The following TRIP13 variants were observed in gnomAD, a reference collection of about 807,000 sequenced individuals.
TRIP13 encodes pachytene checkpoint protein 2 homolog.
TRIP13 carries 25 observed loss-of-function variants against 54.4 expected under a neutral mutation model. The ratio of observed to expected loss-of-function variants is 0.46; its 90% CI spans 0.33 to 0.64. The LOEUF (loss-of-function observed/expected upper bound fraction) is 0.64. TRIP13 is among the 30% of genes least tolerant of loss of function. The probability of loss-of-function intolerance (pLI) is 0.02; values close to 1 mark genes in which losing one functional copy is unlikely to be tolerated. For synonymous variants in TRIP13, 207 were observed against 207.8 expected (o/e 1.00, Z 0.03); for missense variants, 373 against 534.2 (o/e 0.70, Z 2.97).
At chr5:914,655 G>A in intron 11 of TRIP13, 78 bp downstream of exon 11, 1 of 1,186,618 alleles carries the variant, frequency 8.4e-7, no homozygotes, top group Non-Finnish European at 1.2e-6. Flanking sequence ...TTCCTTTGAG[G>A]AGACCAGGGA....
At chr5:905,951 A>C (rs1037762904) in intron 6 of TRIP13, among the ~76,000 whole-genome samples, 1 of 152,198 alleles carries the variant, frequency 6.6e-6, no homozygotes, top group African/African-American at 2.4e-5. Flanking sequence ...ATGGCGGCTC[A>C]ATGCCTGTAA....
rs2150688718 is a variant in TRIP13 at position 908,873 on chromosome 5, G to A, written c.866+412G>A. The A allele has an allele frequency of 5.1e-6, 1 of 196,358 alleles. No individual in the cohort carries two copies. Among genetic ancestry groups the A allele is most frequent in the East Asian group, 1.3e-4 (1 of 7,790 alleles). 12.2% of individuals were successfully genotyped at this position (196,358 alleles called of 1,614,324 possible). ...CTCTGGAGGCTGAGGCAGGAGAATGGTGTGAACCCGGGAGGCAGAACTTGC... is the reference window on the plus strand; with the variant it reads ...CTCTGGAGGCTGAGGCAGGAGAATGATGTGAACCCGGGAGGCAGAACTTGC... On this transcript the variant is annotated intron_variant, in intron 9 of 12. Transcript: ENST00000166345. This position sits in a 1 kb window ranked among gnomAD's most constrained non-coding sequence, Gnocchi z 5.2.
At chr5:900,391 C>A in intron 3 of TRIP13, 103 bp from the exon 4 acceptor site, 1 of 1,105,892 alleles carries the variant, frequency 9.0e-7, no homozygotes, top group Non-Finnish European at 1.3e-6. Context: ...TTGCCTGGAG[C>A]AGCACAATGG....
chr5:906,022 C>A (rs1004535985), intron 6 of TRIP13, among the ~76,000 whole-genome samples: 3 of 152,080 alleles, frequency 2.0e-5, no homozygotes, highest in Admixed American at 1.3e-4. Context: ...TTGAGACCAG[C>A]CTGGCCAACA....
Position 892,900 on chromosome 5 carries a change from C to T in TRIP13, c.-99C>T, listed in dbSNP as rs890974400. ...TCGCGCGGCAGATTCGAAGCTAGGG[C>T]GGGGCCCGCGGGCTGAGGCAGCGGC... On this transcript the variant is annotated 5_prime_UTR_variant, in exon 1 of 13. Coordinates refer to ENST00000166345, the MANE Select transcript of TRIP13 (RefSeq NM_004237.4). The T allele has an allele frequency of 2.5e-5, 31 of 1,225,950 alleles. No homozygotes were observed. In the African/African-American group the frequency reaches 4.0e-4, roughly 16 times the overall value. 75.9% of individuals were successfully genotyped at this position (1,225,950 alleles called of 1,614,324 possible). A position where few individuals can be genotyped will look rare whatever the true frequency, so the allele number is the denominator to read the frequency against.
chr5:906,664 G>A (rs1303123344), intron 6 of TRIP13, among the ~76,000 whole-genome samples: 4 of 152,138 alleles, frequency 2.6e-5, no homozygotes, highest in Admixed American at 2.6e-4. Flanking sequence ...AATGGATAGA[G>A]GAGTGTTTCT....
At chr5:914,644 T>C in intron 11 of TRIP13, 67 bp downstream of exon 11, 1 of 1,386,312 alleles carries the variant, frequency 7.2e-7, no homozygotes, top group Non-Finnish European at 1.0e-6. Context: ...GGAGTCATTG[T>C]TTCCTTTGAG....
intron 1 of TRIP13, 30 bp from the exon 2 acceptor site, chr5:894,757 A>G (rs1408641573): frequency 1.3e-6 from 2 of 1,579,780 alleles, no homozygotes; most frequent in African/African-American, 1.4e-5. Flanking sequence ...AACTAAGATC[A>G]TTTATGTGTG....
intron 2 of TRIP13, among the ~76,000 whole-genome samples, chr5:895,286 C>G (rs1199847249): frequency 6.6e-6 from 1 of 152,134 alleles, no homozygotes; most frequent in East Asian, 1.9e-4. Context: ...TCAGTGTGTG[C>G]TAGGACCATA....
intron 6 of TRIP13, among the ~76,000 whole-genome samples, chr5:906,915 CAATT>C (rs555645413): frequency 2.0e-5 from 3 of 152,142 alleles, no homozygotes; most frequent in Non-Finnish European, 2.9e-5. Context: ...CTCTTTAACT[CAATT>C]GATACAGTCT....
At chr5:904,022 T>C (rs927923119) in intron 5 of TRIP13, 126 bp from the exon 6 acceptor site, 1 of 775,240 alleles carries the variant, frequency 1.3e-6, no homozygotes, top group Non-Finnish European at 2.0e-6. Context: ...GACTTCATTG[T>C]AGTAATAACA....
Position 911,511 on chromosome 5 carries a change from C to T in TRIP13, c.867-332C>T, listed in dbSNP as rs1374243320. On this transcript the variant is annotated intron_variant, in intron 9 of 12. Transcript: ENST00000166345. The surrounding 1 kb of genome is among the most constrained non-coding windows in gnomAD (Gnocchi z 4.7). Reference sequence around the variant, plus strand: ...GTGTGAACCGGCGAGGCGGAGCTTGCAGTGAGCCGAGATAGCACCACTGCA... The same window carrying T: ...GTGTGAACCGGCGAGGCGGAGCTTGTAGTGAGCCGAGATAGCACCACTGCA... Among the ~76,000 whole-genome samples the T allele has an allele frequency of 2.7e-5, 4 of 150,926 alleles. No individual in the cohort carries two copies. Among genetic ancestry groups the T allele is most frequent in the South Asian group, 2.1e-4 (1 of 4,780 alleles).
Position 907,246 on chromosome 5 carries a change from T to A in TRIP13, c.672+53T>A. The stretch of plus-strand genomic sequence containing the variant: ...TCTGGATTGTATAGCTGAAAAAATG[T>A]CTTGTATGTTAGGCAAATCCTCCTC... On this transcript the variant is annotated intron_variant, in intron 7 of 12. Transcript: ENST00000166345. This position sits in a 1 kb window ranked among gnomAD's most constrained non-coding sequence, Gnocchi z 4.1. The A allele has an allele frequency of 6.6e-7, 1 of 1,505,914 alleles. No individual in the cohort carries two copies. Among genetic ancestry groups the A allele is most frequent in the East Asian group, 2.3e-5 (1 of 44,002 alleles). 93.3% of individuals were successfully genotyped at this position (1,505,914 alleles called of 1,614,324 possible).
chr5:918,759 G>A (rs902150826), downstream of TRIP13, among the ~76,000 whole-genome samples: 1 of 152,206 alleles, frequency 6.6e-6, no homozygotes, highest in Admixed American at 6.5e-5. The surrounding 1 kb of genome is among the most constrained non-coding windows in gnomAD (Gnocchi z 4.3). Context: ...TTTGAGGGCA[G>A]GAAGCATCCA....
At chr5:900,695 C>T in intron 4 of TRIP13, 146 bp downstream of exon 4, 1 of 741,242 alleles carries the variant, frequency 1.3e-6, no homozygotes, top group Non-Finnish European at 2.2e-6. Context: ...GGACATCTAT[C>T]CTCTAGTATT....
At chr5:896,181 C>T (rs1323801703) in intron 2 of TRIP13, among the ~76,000 whole-genome samples, 7 of 152,128 alleles carry the variant, frequency 4.6e-5, no homozygotes, top group South Asian at 2.1e-4. Flanking sequence ...AGTGCGGTGG[C>T]GCACACTTGT....
At chr5:904,031 C>A in intron 5 of TRIP13, 117 bp from the exon 6 acceptor site, 1 of 889,562 alleles carries the variant, frequency 1.1e-6, no homozygotes, top group Non-Finnish European at 1.7e-6. Flanking sequence ...GTAGTAATAA[C>A]ATTAATAGCT....
chr5:914,403 G>T (rs1360532837), intron 10 of TRIP13, 62 bp from the exon 11 acceptor site: 3 of 1,178,692 alleles, frequency 2.5e-6, no homozygotes, highest in Non-Finnish European at 3.8e-6. Flanking sequence ...CCCTCTTGCT[G>T]ACGGTGCCTA....
intron 9 of TRIP13, among the ~76,000 whole-genome samples, chr5:910,279 G>A (rs1022342557): frequency 2.0e-5 from 3 of 152,040 alleles, no homozygotes; most frequent in Non-Finnish European, 4.4e-5. Context: ...CTCCCTCCCC[G>A]GCCTCCATTC....
Sources: allele counts gnomAD v4.1 joint callset (sites outside exome capture counted in the v4.1 genomes callset), GRCh38; gene constraint gnomAD v4.1.1; non-coding constraint Gnocchi (gnomAD v3.1); transcripts MANE v1.5; gene names NCBI Gene and HGNC (gene_info 2026-07-23, HGNC 2026-07-21).